DNAH1: variants seen among roughly 807,000 people sequenced by gnomAD.
DNAH1 encodes axonemal beta dynein heavy chain 1.
In DNAH1, 327 loss-of-function variants were observed where a neutral mutation model predicts 484.3. The ratio of observed to expected loss-of-function variants is 0.68; its 90% CI spans 0.62 to 0.74. The LOEUF is 0.74. Among genes scored for constraint, DNAH1 ranks in the 30% least tolerant of loss-of-function variants. DNAH1 has a pLI of 0.00. For synonymous variants in DNAH1, 2,192 were observed against 2,191.9 expected, an observed-to-expected ratio of 1.00 and a Z score of 0.00; for missense variants, 5,052 against 5,546.8, an observed-to-expected ratio of 0.91 and a Z score of 2.83.
intron 16 of DNAH1, 38 bp from the exon 17 acceptor site, chr3:52,351,924 G>T: frequency 6.3e-7 from 1 of 1,584,596 alleles, no homozygotes; most frequent in Non-Finnish European, 8.6e-7. Context: ...CACTTCAGCC[G>T]CGATATTTCT....
At position 52,372,232 on chromosome 3, in the gene DNAH1, G is replaced by A. The variant is rs1434436024; in HGVS notation, c.6672G>A (p.Leu2224=). Residue 2224 remains leucine (L), a synonymous_variant, in exon 43 of 78, where the codon CTG becomes CTA. Coordinates refer to ENST00000420323, the MANE Select transcript of DNAH1 (RefSeq NM_015512.5). Reference sequence around the variant, plus strand: ...TGCCATCCCCGCTCTGCCAGGTGCTGTGCATTGGGCCAACAGGCACGGGGA... The same window carrying A: ...TGCCATCCCCGCTCTGCCAGGTGCTATGCATTGGGCCAACAGGCACGGGGA... ...DMLLTNKKPV[L]CIGPTGTGKT... 3 of 1,613,830 alleles carry A rather than the reference G, an allele frequency of 1.9e-6. No homozygotes were observed. The highest frequency in any genetic ancestry group is 2.5e-6 in the Non-Finnish European group (3 of 1,179,840).
chr3:52,337,078 A>G (rs1264468710), intron 8 of DNAH1, among the ~76,000 whole-genome samples: 4 of 151,982 alleles, frequency 2.6e-5, no homozygotes, highest in Non-Finnish European at 4.4e-5. Context: ...GTGTTTTTCC[A>G]TTTGTTTGTG....
At chr3:52,359,881 A>G in intron 26 of DNAH1, 35 bp from the exon 27 acceptor site, 1 of 1,611,338 alleles carries the variant, frequency 6.2e-7, no homozygotes, top group Non-Finnish European at 8.5e-7. Flanking sequence ...TCCTCGTGGT[A>G]CCCTGATGTT....
Position 52,382,425 on chromosome 3 carries a change from A to G in DNAH1, c.7911A>G (p.Leu2637=). ...TGCTCAAGGCGGGCCTACAGAACCT[A>G]CCCATCACCTTCCTCTTCTCAGACA... ...KVLLKAGLQN[L]PITFLFSDTQ... is the part of the protein sequence containing the mutation. Residue 2637 remains leucine (L), a synonymous_variant, in exon 50 of 78, where the codon CTA becomes CTG. Coordinates refer to ENST00000420323, the MANE Select transcript of DNAH1 (RefSeq NM_015512.5). 1.2e-6 allele frequency: 2 copies of G among 1,613,936 alleles called. No individual in the cohort carries two copies. Among genetic ancestry groups the G allele is most frequent in the Non-Finnish European group, 1.7e-6 (2 of 1,179,858 alleles).
At chr3:52,357,020 T>C (rs1000731767) in intron 22 of DNAH1, among the ~76,000 whole-genome samples, 1 of 151,818 alleles carries the variant, frequency 6.6e-6, no homozygotes, top group African/African-American at 2.4e-5. Context: ...TTTTTTTTGT[T>C]TGTCTGTTTT....
intron 41 of DNAH1, 33 bp downstream of exon 41, chr3:52,370,858 G>A: frequency 6.4e-7 from 1 of 1,560,066 alleles, no homozygotes; most frequent in Non-Finnish European, 8.7e-7. Context: ...GACTGCACAG[G>A]GAGGGACCAC....
At position 52,370,788 on chromosome 3, in the gene DNAH1, CCAA is replaced by C; in HGVS notation, c.6490_6492del (p.Asn2164del). 1 of 1,606,650 alleles carries C rather than the reference CCAA, an allele frequency of 6.2e-7. No homozygotes were observed. Among genetic ancestry groups the C allele is most frequent in the South Asian group, 1.1e-5 (1 of 89,378 alleles). On this transcript the variant is annotated inframe_deletion, in exon 41 of 78. Coordinates refer to ENST00000420323, the MANE Select transcript of DNAH1 (RefSeq NM_015512.5). Reference sequence around the variant, plus strand: ...CTGGAGGACGCGGGCATCAGTGGCACCAACGACAGTGAGGATGAAGAGGAGGAA... The same window carrying C: ...CTGGAGGACGCGGGCATCAGTGGCACCGACAGTGAGGATGAAGAGGAGGAA...
Position 52,399,785 on chromosome 3 carries a change from A to T in DNAH1, c.12676+6A>T. 1 of 1,613,156 alleles carries T rather than the reference A, an allele frequency of 6.2e-7. No individual in the cohort carries two copies. Among genetic ancestry groups the T allele is most frequent in the South Asian group, 1.1e-5 (1 of 90,994 alleles). On this transcript the variant is annotated splice_donor_region_variant and intron_variant, in intron 77 of 77. Transcript: ENST00000420323. ...CAAGACACTGACTCGTGCTGGTATG[A>T]GGCCTGGGATGGGAGCCTACACTAT... is the stretch of plus-strand genomic sequence containing the variant.
rs1182144548 is a variant in DNAH1 at position 52,384,640 on chromosome 3, C to T, written c.8323-146C>T. ...CAAAAGGTGACCTCGACCTGGAGGTCGTGAGGCTCATAGAGTGAATGTGAG... is the reference window on the plus strand; with the variant it reads ...CAAAAGGTGACCTCGACCTGGAGGTTGTGAGGCTCATAGAGTGAATGTGAG... On this transcript the variant is annotated intron_variant, in intron 52 of 77. Transcript: ENST00000420323. The T allele has an allele frequency of 1.5e-5, 12 of 799,066 alleles. No individual in the cohort carries two copies. The East Asian group carries it at 3.0e-4, about 20-fold the overall frequency. 49.5% of individuals were successfully genotyped at this position (799,066 alleles called of 1,614,324 possible).
chr3:52,392,576 G>A lies in DNAH1; in HGVS notation c.10165G>A (p.Asp3389Asn), dbSNP rs1264178861. Reference sequence around the variant, plus strand: ...TGCCAAGATGCGCCAGGAGCTGAAGGACATTGAGGACCAGATCCTGTACCG... The same window carrying A: ...TGCCAAGATGCGCCAGGAGCTGAAGAACATTGAGGACCAGATCCTGTACCG... ...SNAKMRQELK[D>N]IEDQILYRLS... The change falls in exon 64 of 78, where the codon GAC (aspartate) becomes AAC (asparagine). Residue 3389 changes from aspartate (D) to asparagine (N), a missense_variant. Transcript: ENST00000420323. The A allele has an allele frequency of 1.2e-6, 2 of 1,613,878 alleles. No individual in the cohort carries two copies. The highest frequency in any genetic ancestry group is 1.3e-5 in the African/African-American group (1 of 74,932).
At chr3:52,348,530 A>G (rs1285665663) in intron 12 of DNAH1, among the ~76,000 whole-genome samples, 1 of 152,218 alleles carries the variant, frequency 6.6e-6, no homozygotes, top group East Asian at 1.9e-4. Context: ...CTGTAGCCCT[A>G]GCCCTTCTTG....
intron 65 of DNAH1, 91 bp from the exon 66 acceptor site, chr3:52,393,243 G>A: frequency 6.3e-7 from 1 of 1,580,254 alleles, no homozygotes; most frequent in Non-Finnish European, 8.6e-7. Flanking sequence ...TGCCCCTACG[G>A]CTGCTGGGGA....
rs1434044860 is a variant in DNAH1 at position 52,327,954 on chromosome 3, C to T, written c.811C>T (p.Leu271=). The part of the protein sequence containing the change: ...WINMGLEPGS[L]DRKPVPGKAL... ...CAACATGGGCTTGGAGCCAGGGTCT[C>T]TGGACAGGAAACCTGTCCCGGGAAA... Residue 271 remains leucine, a synonymous_variant, in exon 6 of 78, where the codon CTG becomes TTG. Coordinates refer to ENST00000420323, the MANE Select transcript of DNAH1 (RefSeq NM_015512.5). 1 of 1,613,988 alleles carries T rather than the reference C, an allele frequency of 6.2e-7. No individual in the cohort carries two copies. The highest frequency in any genetic ancestry group is 1.7e-5 in the Admixed American group (1 of 60,030).
chr3:52,373,105 G>T, intron 44 of DNAH1, 52 bp downstream of exon 44: 5 of 1,543,300 alleles, frequency 3.2e-6, no homozygotes, highest in Non-Finnish European at 4.4e-6. Flanking sequence ...TGCTGTGCAG[G>T]GGCACAGGAG....
Position 52,378,607 on chromosome 3 carries a change from G to A in DNAH1, c.7204G>A (p.Ala2402Thr), listed in dbSNP as rs780550507. The A allele has an allele frequency of 6.2e-7, 1 of 1,613,268 alleles. No individual in the cohort carries two copies. Among genetic ancestry groups the A allele is most frequent in the Admixed American group, 1.7e-5 (1 of 59,982 alleles). ...EKSYRERVPGAPHIAHFTEPL... is the reference protein window; with the variant it reads ...EKSYRERVPGTPHIAHFTEPL... ...CCATTCTCCTATTCCCCCAGCTGGG[G>A]CCCCCCACATTGCCCACTTCACGGA... The change falls in exon 47 of 78, where the codon GCC becomes ACC. Residue 2402 changes from alanine (A) to threonine (T), a missense_variant. Physicochemically the swap from Ala to Thr is moderately conservative, Grantham distance 58. Coordinates refer to ENST00000420323, the MANE Select transcript of DNAH1 (RefSeq NM_015512.5).
chr3:52,387,439 C>T lies in DNAH1; in HGVS notation c.9003+586C>T, dbSNP rs1704156387. Among the ~76,000 whole-genome samples the T allele has an allele frequency of 2.0e-5, 3 of 152,308 alleles. No individual in the cohort carries two copies. The South Asian group carries it at 6.2e-4, about 32-fold the overall frequency. ...GTTTCCTCTGCATCCCAGAAATTAG[C>T]TAGGGGGCAGCTGCCTGTCCCACAC... is the stretch of plus-strand genomic sequence containing the variant. On this transcript the variant is annotated intron_variant, in intron 56 of 77. Coordinates refer to ENST00000420323, the MANE Select transcript of DNAH1 (RefSeq NM_015512.5).
At position 52,361,573 on chromosome 3, in the gene DNAH1, A is replaced by C; in HGVS notation, c.4875-88A>C. ...AGATTGCCCCTGAGGGCTTCCTCCC[A>C]AGTGGAGTTGGAGGGGGCCCTCAGA... On this transcript the variant is annotated intron_variant, in intron 29 of 77. Transcript: ENST00000420323. This position sits in a 1 kb window ranked among gnomAD's most constrained non-coding sequence, Gnocchi z 5.6. 1 of 1,415,818 alleles carries C rather than the reference A, an allele frequency of 7.1e-7. No individual in the cohort carries two copies. The highest frequency in any genetic ancestry group is 9.7e-7 in the Non-Finnish European group (1 of 1,034,490). 87.7% of individuals were successfully genotyped at this position (1,415,818 alleles called of 1,614,324 possible). A position where few individuals can be genotyped will look rare whatever the true frequency, so the allele number is the denominator to read the frequency against.
chr3:52,347,743 G>T, intron 11 of DNAH1, 81 bp from the exon 12 acceptor site: 2 of 1,429,130 alleles, frequency 1.4e-6, no homozygotes, highest in Non-Finnish European at 1.9e-6. Context: ...GAGTCATAGC[G>T]CTGGCAGGAA....
Position 52,362,539 on chromosome 3 carries a change from G to A in DNAH1, c.5094+38G>A, listed in dbSNP as rs1433512480. 5.7e-6 allele frequency: 9 copies of A among 1,569,042 alleles called. No individual in the cohort carries two copies. Among genetic ancestry groups the A allele is most frequent in the South Asian group, 1.1e-5 (1 of 87,874 alleles). ...CCAGAGTGGCCCAGGAAGCACCAGA[G>A]CTCTAGCCTGAGTTCAGAGATGCTA... On this transcript the variant is annotated intron_variant, in intron 31 of 77. Coordinates refer to ENST00000420323, the MANE Select transcript of DNAH1 (RefSeq NM_015512.5). This position sits in a 1 kb window ranked among gnomAD's most constrained non-coding sequence, Gnocchi z 5.1.
Sources: gnomAD v4.1 joint callset for allele counts (sites outside exome capture counted in the v4.1 genomes callset) on GRCh38, gnomAD v4.1.1 for gene constraint, Gnocchi (gnomAD v3.1) non-coding constraint, MANE v1.5 for transcripts, NCBI Gene and HGNC (gene_info 2026-07-23, HGNC 2026-07-21) for gene names.